Variants in MEIS1 observed in about 807,000 individuals in gnomAD.
MEIS1 encodes homeobox protein Meis1.
A neutral mutation model predicts 50.8 loss-of-function variants in MEIS1; 5 were observed. The observed-to-expected ratio is 0.10, with a 90% CI of 0.05 to 0.21. MEIS1 has a LOEUF of 0.21. Ranked by LOEUF, MEIS1 falls within the 10% of genes least tolerant of loss-of-function variation. The pLI, the probability that MEIS1 is intolerant of heterozygous loss-of-function variation, is 1.00. For missense variants in MEIS1, 318 were observed against 517.3 expected (o/e 0.61, Z 3.74); for synonymous variants, 176 against 179.3 (o/e 0.98, Z 0.15).
rs188732777 is a variant in MEIS1, at chr2:66,511,136, G to C, written c.743-1013G>C. On this transcript the variant is annotated intron_variant, in intron 7 of 12. Transcript: ENST00000272369. ...GCTACTTTTTAGTGTAATGGGTCTT[G>C]TCCTTTGTTGTTTTCCTTTTTGACT... Among the ~76,000 whole-genome samples the C allele has an allele frequency of 1.2e-4, 18 of 152,240 alleles. No individual in the cohort carries two copies. The East Asian group carries it at 3.3e-3, about 28-fold the overall frequency.
intron 7 of MEIS1, among the ~76,000 whole-genome samples, chr2:66,502,217 T>G (rs1673574709): frequency 6.6e-6 from 1 of 152,148 alleles, no homozygotes; most frequent in Non-Finnish European, 1.5e-5. Context: ...ACTTGACGTG[T>G]TCAGAAACAC....
intron 7 of MEIS1, among the ~76,000 whole-genome samples, chr2:66,472,255 T>G (rs896651069): frequency 6.6e-5 from 10 of 152,232 alleles, no homozygotes; most frequent in Non-Finnish European, 1.3e-4. Context: ...GGTGTCATTC[T>G]TGGCAAGGCA....
At chr2:66,525,233 C>CA (rs1674221429) in intron 8 of MEIS1, among the ~76,000 whole-genome samples, 1 of 151,912 alleles carries the variant, frequency 6.6e-6, no homozygotes, top group Non-Finnish European at 1.5e-5. Context: ...AAACAAAAAA[C>CA]AACAAACAAA....
At chr2:66,468,641 C>A (rs530838450) in intron 7 of MEIS1, among the ~76,000 whole-genome samples, 2 of 152,142 alleles carry the variant, frequency 1.3e-5, no homozygotes, top group African/African-American at 4.8e-5. Flanking sequence ...CTATGACATC[C>A]TATTTGATAC....
In MEIS1 at chr2:66,435,150, C is replaced by G. The variant is rs1671769585; in HGVS notation, c.-707C>G. On this transcript the variant is annotated 5_prime_UTR_variant, in exon 1 of 13. Transcript: ENST00000272369. The stretch of plus-strand genomic sequence containing the variant: ...ATTCTGGTCGGAATCCACCTCTCCG[C>G]CTGTGCAACACACACTTTACACACG... The G allele has an allele frequency of 2.0e-5, 3 of 152,556 alleles. No homozygotes were observed. In the South Asian group the frequency reaches 6.2e-4, roughly 32 times the overall value. The allele number at this position is 152,556 out of a possible 1,614,324, so 9.5% of individuals were successfully genotyped here. A position where few individuals can be genotyped will look rare whatever the true frequency, so the allele number is the denominator to read the frequency against.
intron 6 of MEIS1, chr2:66,461,721 TG>T: frequency 9.3e-6 from 3 of 322,858 alleles, no homozygotes. Flanking sequence ...CTGTATAATG[TG>T]GCGATAGCTG....
rs1553373477 is a variant in MEIS1, at chr2:66,473,412, A to ATATATG, written c.742+9197_742+9198insGTATAT. 3.5e-5 allele frequency among the ~76,000 whole-genome samples: 5 copies of ATATATG among 142,028 alleles called. 1 individual carries two copies. Among genetic ancestry groups the ATATATG allele is most frequent in the African/African-American group, 1.4e-4 (5 of 36,250 alleles). 93.2% of individuals were successfully genotyped at this position (142,028 alleles called of 152,430 possible). A position where few individuals can be genotyped will look rare whatever the true frequency, so the allele number is the denominator to read the frequency against. ...AAAAAAAAAAAATATATATATATATATATATAGTAATATAAGTGCTCTGTT... is the reference window on the plus strand; with the variant it reads ...AAAAAAAAAAAATATATATATATATATATATGTATATAGTAATATAAGTGCTCTGTT... On this transcript the variant is annotated intron_variant, in intron 7 of 12. Transcript: ENST00000272369.
chr2:66,521,421 T>C (rs1469368359), intron 8 of MEIS1, among the ~76,000 whole-genome samples: 1 of 152,102 alleles, frequency 6.6e-6, no homozygotes, highest in Non-Finnish European at 1.5e-5. Flanking sequence ...TAATTTTCTT[T>C]ATGGAGATAG....
chr2:66,536,470 G>A (rs967334356), intron 8 of MEIS1, among the ~76,000 whole-genome samples: 1 of 152,142 alleles, frequency 6.6e-6, no homozygotes, highest in African/African-American at 2.4e-5. Context: ...TATACCCGTA[G>A]CAATGCAAAG....
chr2:66,483,953 G>A (rs1012583214), intron 7 of MEIS1, among the ~76,000 whole-genome samples: 3 of 152,152 alleles, frequency 2.0e-5, no homozygotes, highest in Admixed American at 1.3e-4. Flanking sequence ...GGTTTTTGAT[G>A]AAGCTATTGG....
At chr2:66,504,394 T>A (rs1673637730) in intron 7 of MEIS1, among the ~76,000 whole-genome samples, 1 of 152,046 alleles carries the variant, frequency 6.6e-6, no homozygotes, top group Non-Finnish European at 1.5e-5. Context: ...TCACTGCGCC[T>A]GGCCAATTTT....
intron 7 of MEIS1, among the ~76,000 whole-genome samples, chr2:66,498,143 G>A (rs1673455845): frequency 6.6e-6 from 1 of 152,072 alleles, no homozygotes; most frequent in African/African-American, 2.4e-5. Flanking sequence ...TTTGAGTGGG[G>A]GATTCAGATT....
chr2:66,479,583 T>G (rs1468437638), intron 7 of MEIS1, among the ~76,000 whole-genome samples: 1 of 152,202 alleles, frequency 6.6e-6, no homozygotes, highest in Admixed American at 6.5e-5. Context: ...GAGATGAAGA[T>G]CTTATAAAAA....
intron 6 of MEIS1, among the ~76,000 whole-genome samples, chr2:66,458,643 G>T (rs190401522): frequency 2.0e-5 from 3 of 152,252 alleles, no homozygotes; most frequent in South Asian, 2.1e-4. Context: ...GTTTCAAGAG[G>T]TTATGACTTA....
At chr2:66,459,895 G>A (rs1293013869) in intron 6 of MEIS1, among the ~76,000 whole-genome samples, 3 of 152,118 alleles carry the variant, frequency 2.0e-5, no homozygotes, top group African/African-American at 7.2e-5. Context: ...AGATGGTTTC[G>A]CAGGTAGTTG....
chr2:66,483,216 A>ATTTTTTTTTTTTTTT (rs774480552), intron 7 of MEIS1, among the ~76,000 whole-genome samples: 1 of 121,190 alleles, frequency 8.3e-6, no homozygotes. Context: ...AGTTATGCTT[A>ATTTTTTTTTTTTTTT]TTTTTTTTTT....
chr2:66,435,473 A>G lies in MEIS1; in HGVS notation c.-384A>G, dbSNP rs1671776542. On this transcript the variant is annotated 5_prime_UTR_variant, in exon 1 of 13. Transcript: ENST00000272369. Reference sequence around the variant, plus strand: ...CACCACGTTGACAACCTCGCCTGTGATTGACAGCTGGAGTGGCAGAAAGCC... The same window carrying G: ...CACCACGTTGACAACCTCGCCTGTGGTTGACAGCTGGAGTGGCAGAAAGCC... 2.9e-6 allele frequency: 1 copy of G among 340,378 alleles called. No individual in the cohort carries two copies. Among genetic ancestry groups the G allele is most frequent in the African/African-American group, 2.1e-5 (1 of 47,616 alleles). The allele number at this position is 340,378 out of a possible 1,614,324, so 21.1% of individuals were successfully genotyped here.
Position 66,568,650 on chromosome 2 carries a change from A to T in MEIS1, c.1025-17A>T, listed in dbSNP as rs1675410403. On this transcript the variant is annotated splice_polypyrimidine_tract_variant and intron_variant, in intron 10 of 12. Transcript: ENST00000272369. ...TCAGAGACTGTTATTAAAAAACCAC[A>T]TTCTGTACTTTTGTAGTAAGTCAAG... 1.9e-6 allele frequency: 3 copies of T among 1,607,716 alleles called. No homozygotes were observed. The South Asian group carries it at 3.3e-5, about 18-fold the overall frequency.
chr2:66,498,921 A>G (rs959135355), intron 7 of MEIS1, among the ~76,000 whole-genome samples: 3 of 152,212 alleles, frequency 2.0e-5, no homozygotes, highest in South Asian at 2.1e-4. Context: ...GCTGTTTCGT[A>G]TGCACATGAA....
Sources: gnomAD v4.1 joint callset for allele counts (sites outside exome capture counted in the v4.1 genomes callset) on GRCh38, gnomAD v4.1.1 for gene constraint, MANE v1.5 for transcripts, NCBI Gene and HGNC (gene_info 2026-07-23, HGNC 2026-07-21) for gene names.